SDK2: variants seen among roughly 807,000 people sequenced by gnomAD.
SDK2 encodes protein sidekick-2.
SDK2 carries 105 observed loss-of-function variants against 253.9 expected under a neutral mutation model. The observed-to-expected ratio is 0.41, with a 90% CI of 0.35 to 0.49. The LOEUF (loss-of-function observed/expected upper bound fraction) is 0.49, where lower values mean the gene tolerates loss of function less well. SDK2 is among the 20% of genes least tolerant of loss of function. The probability of loss-of-function intolerance (pLI) is 0.06; values close to 1 mark genes in which losing one functional copy is unlikely to be tolerated. For missense variants in SDK2, 2,608 were observed against 3,003.0 expected (o/e 0.87, Z 3.07); for synonymous variants, 1,249 against 1,234.9 (o/e 1.01, Z -0.24).
intron 1 of SDK2, among the ~76,000 whole-genome samples, chr17:73,548,803 G>C (rs1211525446): frequency 6.6e-6 from 1 of 152,220 alleles, no homozygotes; most frequent in Non-Finnish European, 1.5e-5. Context: ...GGGGGGCCTT[G>C]GGCCTGCACA....
Position 73,507,635 on chromosome 17 carries a change from T to C in SDK2, c.65-38A>G, listed in dbSNP as rs555547991. The C allele has an allele frequency of 9.0e-5, 139 of 1,542,636 alleles. 2 individuals carry two copies. In the South Asian group the frequency reaches 1.6e-3, roughly 17 times the overall value. Reference sequence around the variant, plus strand: ...GGAGACAAAGCCACCAGTGATCACTTGCTCACCTATGTGACCTGGTGCGTT... The same window carrying C: ...GGAGACAAAGCCACCAGTGATCACTCGCTCACCTATGTGACCTGGTGCGTT... On this transcript the variant is annotated intron_variant, in intron 1 of 44. Coordinates refer to ENST00000392650, the MANE Select transcript of SDK2 (RefSeq NM_001144952.2).
chr17:73,376,223 A>G (rs7220670), intron 36 of SDK2, among the ~76,000 whole-genome samples: 139,023 of 151,996 alleles, frequency 0.91, 63,906 homozygotes, highest in Non-Finnish European at 0.95. Context: ...AAACCTCCTC[A>G]TGGACCTGGC....
At chr17:73,425,587 A>G (rs2063274811) in intron 12 of SDK2, among the ~76,000 whole-genome samples, 1 of 152,144 alleles carries the variant, frequency 6.6e-6, no homozygotes, top group Non-Finnish European at 1.5e-5. Context: ...GACTCACTGC[A>G]ACCTCCACCT....
intron 2 of SDK2, among the ~76,000 whole-genome samples, chr17:73,492,805 C>T (rs2063815628): frequency 6.6e-6 from 1 of 152,110 alleles, no homozygotes; most frequent in South Asian, 2.1e-4. Context: ...ACTGAGGAAT[C>T]CTATGAATGG....
At chr17:73,524,532 G>A (rs2064110152) in intron 1 of SDK2, among the ~76,000 whole-genome samples, 1 of 152,184 alleles carries the variant, frequency 6.6e-6, no homozygotes, top group Admixed American at 6.5e-5. Context: ...CCCACATCCA[G>A]ACAGAGTGAT....
intron 8 of SDK2, 85 bp downstream of exon 8, chr17:73,437,654 T>C: frequency 8.4e-7 from 1 of 1,187,030 alleles, no homozygotes; most frequent in African/African-American, 1.5e-5. Context: ...GAGAAGAAGC[T>C]GGAATTTAGA....
intron 6 of SDK2, among the ~76,000 whole-genome samples, chr17:73,439,733 G>A (rs575942202): frequency 6.6e-6 from 1 of 152,214 alleles, no homozygotes; most frequent in Non-Finnish European, 1.5e-5. Context: ...TTCCGCTGGG[G>A]TTGGTGCTCA....
rs530992014 is a variant in SDK2 at position 73,359,808 on chromosome 17, GAT to G, written c.5468-1606_5468-1605del. ...CTTCAGGTATTCACCAGTATGCCTG[GAT>G]AATTTTATTTTTGTAGAGATGGGGT... is the stretch of plus-strand genomic sequence containing the variant. On this transcript the variant is annotated intron_variant, in intron 39 of 44. Transcript: ENST00000392650. Among the ~76,000 whole-genome samples, 38 of 152,214 alleles carry G rather than the reference GAT, an allele frequency of 2.5e-4. No individual in the cohort carries two copies. The East Asian group carries it at 5.4e-3, about 22-fold the overall frequency.
Position 73,481,972 on chromosome 17 carries a change from G to A in SDK2, c.225-9754C>T, listed in dbSNP as rs1185819598. Among the ~76,000 whole-genome samples the A allele has an allele frequency of 6.6e-6, 1 of 152,092 alleles. No individual in the cohort carries two copies. The highest frequency in any genetic ancestry group is 1.9e-4 in the East Asian group (1 of 5,178). ...TCTGCACAACCCCGACTAATACACC[G>A]ACCGTAGAATATGGGAGATAGGCCG... is the stretch of plus-strand genomic sequence containing the variant. On this transcript the variant is annotated intron_variant, in intron 2 of 44. Coordinates refer to ENST00000392650, the MANE Select transcript of SDK2 (RefSeq NM_001144952.2). The surrounding 1 kb of genome is among the most constrained non-coding windows in gnomAD (Gnocchi z 4.5).
intron 16 of SDK2, 82 bp downstream of exon 16, chr17:73,419,084 C>T (rs2063206092): frequency 7.4e-6 from 11 of 1,484,542 alleles, no homozygotes; most frequent in Admixed American, 1.9e-5. Flanking sequence ...CATGAATTTG[C>T]ACTGTTTTCC....
Position 73,379,188 on chromosome 17 carries a change from G to T in SDK2, c.4969C>A (p.Gln1657Lys). The T allele has an allele frequency of 6.4e-7, 1 of 1,556,924 alleles. No individual in the cohort carries two copies. The highest frequency in any genetic ancestry group is 1.2e-5 in the South Asian group (1 of 84,360). The change falls in exon 36 of 45, where the codon CAG (glutamine) becomes AAG (lysine). Residue 1657 changes from glutamine to lysine, a missense_variant. This residue lies in a region of SDK2 where 1,103 missense variants were observed against 1,143.9 expected (regional missense o/e 0.96). Transcript: ENST00000392650. This position sits in a 1 kb window ranked among gnomAD's most constrained non-coding sequence, Gnocchi z 4.5. ...CGAGGGCACCCTACCTTGTACCCCTGGATGTCTCCATTCTGGCTGTCCAGC... is the reference window on the plus strand; with the variant it reads ...CGAGGGCACCCTACCTTGTACCCCTTGATGTCTCCATTCTGGCTGTCCAGC... Reference protein sequence around the residue: ...PPLDSQNGDIQGYKIYFWEAQ... With the variant: ...PPLDSQNGDIKGYKIYFWEAQ...
rs35288553 is a variant in SDK2, at chr17:73,483,707, ATT to A, written c.225-11491_225-11490del. On this transcript the variant is annotated intron_variant, in intron 2 of 44. Transcript: ENST00000392650. ...TTTATATATATATATATATATATATATTTTTTTTTTTTTTTAGTAGAGTTGGG... is the reference window on the plus strand; with the variant it reads ...TTTATATATATATATATATATATATATTTTTTTTTTTTTAGTAGAGTTGGG... Among the ~76,000 whole-genome samples the A allele has an allele frequency of 4.0e-3, 254 of 64,244 alleles. 7 individuals carry two copies. Among genetic ancestry groups the A allele is most frequent in the African/African-American group, 0.012 (159 of 13,798 alleles). 42.1% of individuals were successfully genotyped at this position (64,244 alleles called of 152,430 possible). A position where few individuals can be genotyped will look rare whatever the true frequency, so the allele number is the denominator to read the frequency against.
At chr17:73,623,287 G>A (rs1388621849) in intron 1 of SDK2, among the ~76,000 whole-genome samples, 1 of 152,212 alleles carries the variant, frequency 6.6e-6, no homozygotes, top group African/African-American at 2.4e-5. Flanking sequence ...TCCATTTACA[G>A]ATAGGGAAAC....
At chr17:73,401,555 G>C (rs2063026160) in intron 20 of SDK2, 99 bp downstream of exon 20, 2 of 1,152,592 alleles carry the variant, frequency 1.7e-6, no homozygotes, top group East Asian at 5.1e-5. Context: ...TTGGCTTCAA[G>C]AGTTTGGGTG....
At position 73,405,495 on chromosome 17, in the gene SDK2, T is replaced by C. The variant is rs1253120188; in HGVS notation, c.2485-3354A>G. Among the ~76,000 whole-genome samples the C allele has an allele frequency of 3.2e-5, 3 of 92,764 alleles. 1 individual carries two copies. The highest frequency in any genetic ancestry group is 6.4e-5 in the Non-Finnish European group (3 of 46,878). 60.9% of individuals were successfully genotyped at this position (92,764 alleles called of 152,430 possible). ...ATATATATATATATATATATATATA[T>C]ATATATATATATATATATATATAAA... On this transcript the variant is annotated intron_variant, in intron 18 of 44. Coordinates refer to ENST00000392650, the MANE Select transcript of SDK2 (RefSeq NM_001144952.2).
At position 73,431,056 on chromosome 17, in the gene SDK2, C is replaced by A. The variant is rs1159745247; in HGVS notation, c.1481-443G>T. Reference sequence around the variant, plus strand: ...CAAATCCGGCAGGTGGCCTTTTTGGCTAAATAAACCCTTACTGGAACATAG... The same window carrying A: ...CAAATCCGGCAGGTGGCCTTTTTGGATAAATAAACCCTTACTGGAACATAG... On this transcript the variant is annotated intron_variant, in intron 11 of 44. Transcript: ENST00000392650. This position sits in a 1 kb window ranked among gnomAD's most constrained non-coding sequence, Gnocchi z 5.6. Among the ~76,000 whole-genome samples, 1 of 152,180 alleles carries A rather than the reference C, an allele frequency of 6.6e-6. No homozygotes were observed. The highest frequency in any genetic ancestry group is 1.5e-5 in the Non-Finnish European group (1 of 68,038).
At chr17:73,459,332 G>A (rs79366082) in intron 3 of SDK2, among the ~76,000 whole-genome samples, 2,390 of 152,244 alleles carry the variant, frequency 0.016, 73 homozygotes, top group African/African-American at 0.053. Flanking sequence ...CACTGCCCTG[G>A]GAAAGTCTAA....
chr17:73,406,300 G>A (rs1303043815), intron 18 of SDK2, among the ~76,000 whole-genome samples: 1 of 148,646 alleles, frequency 6.7e-6, no homozygotes, highest in Non-Finnish European at 1.5e-5. Flanking sequence ...CTAGGGTGCA[G>A]TGGCGAGATC....
intron 3 of SDK2, among the ~76,000 whole-genome samples, chr17:73,457,816 T>G (rs757389712): frequency 3.3e-5 from 5 of 152,138 alleles, no homozygotes; most frequent in Non-Finnish European, 7.3e-5. Context: ...CCCCTCCTAC[T>G]GCATTGGGTG....
Sources: gnomAD v4.1 joint callset for allele counts (sites outside exome capture counted in the v4.1 genomes callset) on GRCh38, gnomAD v4.1.1 for gene constraint, gnomAD v4.1.1 regional missense constraint, Gnocchi (gnomAD v3.1) non-coding constraint, MANE v1.5 for transcripts, NCBI Gene and HGNC (gene_info 2026-07-23, HGNC 2026-07-21) for gene names.